The following GRID1 variants were observed in gnomAD, a reference collection of about 807,000 sequenced individuals.
The protein encoded by GRID1 is glutamate receptor ionotropic, delta-1.
In GRID1, 28 loss-of-function variants were observed where a neutral mutation model predicts 98.0. That is an observed-to-expected ratio of 0.29 (90% CI 0.21 to 0.39). GRID1 has a LOEUF of 0.39. Ranked by LOEUF, GRID1 falls within the 10% of genes least tolerant of loss-of-function variation. The probability of loss-of-function intolerance (pLI) is 1.00; values close to 1 mark genes in which losing one functional copy is unlikely to be tolerated. For synonymous variants in GRID1, 553 were observed against 538.5 expected (o/e 1.03, Z -0.37); for missense variants, 1,111 against 1,340.5 (o/e 0.83, Z 2.67).
At chr10:85,735,509 T>C (rs192782426) in intron 8 of GRID1, among the ~76,000 whole-genome samples, 51 of 152,292 alleles carry the variant, frequency 3.3e-4, no homozygotes, top group African/African-American at 1.2e-3. Flanking sequence ...CAGGATGTTC[T>C]TCAAGTTAGT....
At chr10:85,856,241 GC>G in intron 6 of GRID1, 51 bp from the exon 7 acceptor site, 1 of 1,541,948 alleles carries the variant, frequency 6.5e-7, no homozygotes, top group Non-Finnish European at 9.0e-7. Context: ...TTTCTAGAGA[GC>G]TTTGGAGAAA....
At chr10:86,046,220 C>G (rs777790394) in intron 4 of GRID1, among the ~76,000 whole-genome samples, 1 of 152,170 alleles carries the variant, frequency 6.6e-6, no homozygotes, top group Non-Finnish European at 1.5e-5. Context: ...AAACCGCCCC[C>G]GAACCTACAA....
intron 4 of GRID1, among the ~76,000 whole-genome samples, chr10:86,110,814 A>G (rs7076299): frequency 0.048 from 7,260 of 152,340 alleles, 163 homozygotes; most frequent in Middle Eastern, 0.082. Flanking sequence ...TTAACACAAT[A>G]AAATTTAACA....
intron 8 of GRID1, among the ~76,000 whole-genome samples, chr10:85,818,606 T>C (rs1378670570): frequency 6.6e-6 from 1 of 152,134 alleles, no homozygotes; most frequent in Non-Finnish European, 1.5e-5. Context: ...ACAGAGCATC[T>C]TATAGCATGA....
chr10:86,211,400 C>T lies in GRID1; in HGVS notation c.236-4752G>A, dbSNP rs181457851. ...GTAAGTAAAGACAAACTGTAATGAG[C>T]GGCTTCCAGCCCCCCCACCTGCACC... On this transcript the variant is annotated intron_variant, in intron 2 of 15. Transcript: ENST00000327946. Among the ~76,000 whole-genome samples, 1,038 of 152,308 alleles carry T rather than the reference C, an allele frequency of 6.8e-3. 15 individuals carry two copies. Among genetic ancestry groups the T allele is most frequent in the African/African-American group, 0.023 (965 of 41,556 alleles).
intron 4 of GRID1, among the ~76,000 whole-genome samples, chr10:85,974,376 T>C (rs1842446031): frequency 6.6e-6 from 1 of 152,238 alleles, no homozygotes. Flanking sequence ...CTAAATGGGA[T>C]AATGTCTGAA....
chr10:85,952,095 CTT>C (rs1420651500), intron 4 of GRID1, among the ~76,000 whole-genome samples: 2 of 152,214 alleles, frequency 1.3e-5, no homozygotes, highest in Admixed American at 6.5e-5. Flanking sequence ...AAAAACAAGA[CTT>C]ACGTCGATTC....
chr10:85,642,668 G>A (rs149486445), intron 13 of GRID1, among the ~76,000 whole-genome samples: 1 of 152,270 alleles, frequency 6.6e-6, no homozygotes, highest in Non-Finnish European at 1.5e-5. Flanking sequence ...ATTCCCTCCT[G>A]TTCCAAATTC....
At chr10:85,733,701 G>T (rs143999787) in intron 8 of GRID1, among the ~76,000 whole-genome samples, 217 of 152,242 alleles carry the variant, frequency 1.4e-3, no homozygotes, top group African/African-American at 4.9e-3. Flanking sequence ...GCTGTTCAAA[G>T]AAGAAAATAA....
At chr10:85,985,096 A>G (rs1256564939) in intron 4 of GRID1, among the ~76,000 whole-genome samples, 3 of 152,172 alleles carry the variant, frequency 2.0e-5, no homozygotes, top group Non-Finnish European at 4.4e-5. Flanking sequence ...AGCTGTAACA[A>G]CCAAAAATGT....
intron 14 of GRID1, among the ~76,000 whole-genome samples, chr10:85,615,886 G>T (rs1403981336): frequency 6.6e-6 from 1 of 152,200 alleles, no homozygotes; most frequent in African/African-American, 2.4e-5. Context: ...GTCAGCAGTT[G>T]AAAAACTAGC....
intron 5 of GRID1, among the ~76,000 whole-genome samples, chr10:85,912,718 G>A (rs1425914634): frequency 3.9e-5 from 6 of 152,226 alleles, no homozygotes; most frequent in Admixed American, 2.6e-4. Context: ...GTTTCAAGAG[G>A]TGGGAAGACA....
At chr10:86,005,813 G>A (rs1842854073) in intron 4 of GRID1, among the ~76,000 whole-genome samples, 1 of 152,228 alleles carries the variant, frequency 6.6e-6, no homozygotes, top group Admixed American at 6.5e-5. Flanking sequence ...CAGCAGGCAA[G>A]AGAACTATTG....
At chr10:86,262,765 C>A (rs1160810843) in intron 2 of GRID1, among the ~76,000 whole-genome samples, 1 of 152,200 alleles carries the variant, frequency 6.6e-6, no homozygotes, top group East Asian at 1.9e-4. Flanking sequence ...TGCCTCTCAG[C>A]GCACCCTAAT....
chr10:85,971,358 T>C (rs1477417289), intron 4 of GRID1, among the ~76,000 whole-genome samples: 1 of 152,016 alleles, frequency 6.6e-6, no homozygotes, highest in African/African-American at 2.4e-5. Flanking sequence ...AAGTAATAAC[T>C]GTTGCTCACC....
intron 4 of GRID1, among the ~76,000 whole-genome samples, chr10:85,927,292 G>T (rs1841787170): frequency 6.6e-6 from 1 of 152,192 alleles, no homozygotes; most frequent in South Asian, 2.1e-4. Context: ...AGTTAAATGT[G>T]CACATGATGC....
intron 2 of GRID1, among the ~76,000 whole-genome samples, chr10:86,234,144 G>T (rs1463895051): frequency 9.9e-5 from 15 of 152,170 alleles, no homozygotes; most frequent in Non-Finnish European, 1.5e-5. Context: ...CTCTGTTCAG[G>T]GTCTGTTTGC....
intron 4 of GRID1, among the ~76,000 whole-genome samples, chr10:85,924,877 G>C (rs536962163): frequency 6.6e-6 from 1 of 152,158 alleles, no homozygotes; most frequent in Non-Finnish European, 1.5e-5. Context: ...TGGCAGAAGC[G>C]CCCGCTCACA....
intron 2 of GRID1, among the ~76,000 whole-genome samples, chr10:86,270,552 T>C (rs1219208150): frequency 6.6e-6 from 1 of 151,896 alleles, no homozygotes; most frequent in Non-Finnish European, 1.5e-5. Context: ...TAGCCAGGTG[T>C]GGTGGTGCGT....
Sources: allele counts gnomAD v4.1 joint callset (sites outside exome capture counted in the v4.1 genomes callset), GRCh38; gene constraint gnomAD v4.1.1; transcripts MANE v1.5; gene names NCBI Gene and HGNC (gene_info 2026-07-23, HGNC 2026-07-21).